ADARB2: variants seen among roughly 807,000 people sequenced by gnomAD.
ADARB2 encodes the protein inactive double-stranded RNA-specific editase B2.
A neutral mutation model predicts 62.2 loss-of-function variants in ADARB2; 25 were observed. The observed-to-expected ratio is 0.40, with a 90% CI of 0.29 to 0.56. ADARB2 has a LOEUF of 0.56. Among genes scored for constraint, ADARB2 ranks in the 20% least tolerant of loss-of-function variants. ADARB2 has a pLI of 0.43. For missense variants in ADARB2, 1,071 were observed against 1,077.4 expected (o/e 0.99, Z 0.08); for synonymous variants, 572 against 500.8 (o/e 1.14, Z -1.90).
At chr10:1,565,442 T>G (rs1832848346) in intron 1 of ADARB2, among the ~76,000 whole-genome samples, 1 of 152,144 alleles carries the variant, frequency 6.6e-6, no homozygotes, top group African/African-American at 2.4e-5. Context: ...CTGTCTATCT[T>G]TTTAGATCCA....
chr10:1,225,366 A>T (rs927542811), intron 6 of ADARB2, among the ~76,000 whole-genome samples: 6 of 151,898 alleles, frequency 4.0e-5, no homozygotes, highest in Non-Finnish European at 8.8e-5. Context: ...TCTTTTTCCA[A>T]TTTGCCAGTC....
intron 2 of ADARB2, among the ~76,000 whole-genome samples, chr10:1,369,497 G>A (rs948518709): frequency 2.0e-5 from 3 of 152,136 alleles, no homozygotes; most frequent in Non-Finnish European, 4.4e-5. Flanking sequence ...CCCAAGTCTG[G>A]GTGTTCCCGC....
At chr10:1,609,617 G>A (rs1588322257) in intron 1 of ADARB2, among the ~76,000 whole-genome samples, 1 of 152,342 alleles carries the variant, frequency 6.6e-6, no homozygotes, top group African/African-American at 2.4e-5. Flanking sequence ...TTCACATGAG[G>A]GACTGCGTGC....
intron 1 of ADARB2, among the ~76,000 whole-genome samples, chr10:1,488,663 T>C (rs913852505): frequency 1.1e-4 from 16 of 152,190 alleles, no homozygotes; most frequent in African/African-American, 3.4e-4. Context: ...CTTTTCTTTT[T>C]GGCGAATGCA....
At chr10:1,731,497 CA>C in intron 1 of ADARB2, among the ~76,000 whole-genome samples, 1 of 152,108 alleles carries the variant, frequency 6.6e-6, no homozygotes, top group South Asian at 2.1e-4. Context: ...CCCTGTGAAC[CA>C]AAAATTTTAT....
At chr10:1,329,417 G>C (rs1213025747) in intron 3 of ADARB2, among the ~76,000 whole-genome samples, 1 of 152,246 alleles carries the variant, frequency 6.6e-6, no homozygotes, top group Non-Finnish European at 1.5e-5. Flanking sequence ...AGGATGCCCT[G>C]ACCTTTTGAA....
In ADARB2 at chr10:1,442,766, A is replaced by AT. The variant is rs544910146; in HGVS notation, c.101-63607dup. Among the ~76,000 whole-genome samples the AT allele has an allele frequency of 6.5e-3, 992 of 152,160 alleles. 12 individuals are homozygous for AT. The highest frequency in any genetic ancestry group is 9.1e-3 in the Non-Finnish European group (620 of 67,982). On this transcript the variant is annotated intron_variant, in intron 1 of 9. Coordinates refer to ENST00000381312, the MANE Select transcript of ADARB2 (RefSeq NM_018702.4). ...TTCAGTTTAACACTTTGCCGTTTTG[A>AT]TTTTTTTTCTTGGAAAACTTGGGAG...
At chr10:1,666,640 C>G (rs530692641) in intron 1 of ADARB2, among the ~76,000 whole-genome samples, 41 of 152,350 alleles carry the variant, frequency 2.7e-4, no homozygotes, top group African/African-American at 9.1e-4. Context: ...CATCAACATT[C>G]AGTTTCCTAA....
At chr10:1,329,944 TTTTTTTTTTTC>T in intron 3 of ADARB2, among the ~76,000 whole-genome samples, 1 of 147,920 alleles carries the variant, frequency 6.8e-6, no homozygotes, top group African/African-American at 2.6e-5. Flanking sequence ...TTTTTTTTTT[TTTTTTTTTTTC>T]TCTTAAACAC....
chr10:1,417,701 C>T (rs145270292), intron 1 of ADARB2, among the ~76,000 whole-genome samples: 1 of 152,292 alleles, frequency 6.6e-6, no homozygotes, highest in East Asian at 1.9e-4. Flanking sequence ...GTGCTATGGG[C>T]CGGCGTTGCA....
chr10:1,730,571 A>G (rs1262175208), intron 1 of ADARB2, among the ~76,000 whole-genome samples: 1 of 152,090 alleles, frequency 6.6e-6, no homozygotes, highest in African/African-American at 2.4e-5. Context: ...CAAAAATTTC[A>G]CCTCTTAGAG....
At chr10:1,641,302 C>T (rs912106270) in intron 1 of ADARB2, among the ~76,000 whole-genome samples, 10 of 152,216 alleles carry the variant, frequency 6.6e-5, no homozygotes, top group African/African-American at 2.2e-4. Context: ...AGCAACAGCA[C>T]GAAGTGGTGT....
At chr10:1,683,745 T>G (rs997532988) in intron 1 of ADARB2, among the ~76,000 whole-genome samples, 8 of 152,238 alleles carry the variant, frequency 5.3e-5, no homozygotes, top group Non-Finnish European at 1.0e-4. Flanking sequence ...AAAGACATCA[T>G]GACTGTTTCT....
intron 3 of ADARB2, among the ~76,000 whole-genome samples, chr10:1,338,286 A>G (rs763926525): frequency 7.2e-5 from 11 of 152,226 alleles, no homozygotes; most frequent in Non-Finnish European, 1.6e-4. Flanking sequence ...AATTCACTCA[A>G]CCAAAAGCTC....
chr10:1,658,556 G>C (rs1834202596), intron 1 of ADARB2, among the ~76,000 whole-genome samples: 1 of 152,040 alleles, frequency 6.6e-6, no homozygotes, highest in Non-Finnish European at 1.5e-5. Context: ...GATTCTCTCT[G>C]TCTCTCTATC....
intron 1 of ADARB2, chr10:1,678,411 G>C: frequency 9.4e-6 from 8 of 853,116 alleles, no homozygotes; most frequent in Non-Finnish European, 1.1e-5. Context: ...GAGCGTCTGC[G>C]CACCTTCCCT....
chr10:1,190,844 G>A (rs1836832704), intron 8 of ADARB2, among the ~76,000 whole-genome samples: 1 of 152,186 alleles, frequency 6.6e-6, no homozygotes, highest in Non-Finnish European at 1.5e-5. Flanking sequence ...TTCAGACAAG[G>A]TAATTTACAG....
intron 1 of ADARB2, among the ~76,000 whole-genome samples, chr10:1,583,691 T>C (rs1407875027): frequency 6.6e-6 from 1 of 152,220 alleles, no homozygotes. Context: ...ATATTCTCAA[T>C]CAAAATCTGA....
At chr10:1,448,425 T>C (rs1830997627) in intron 1 of ADARB2, among the ~76,000 whole-genome samples, 1 of 152,214 alleles carries the variant, frequency 6.6e-6, no homozygotes, top group Non-Finnish European at 1.5e-5. Flanking sequence ...CTGTTGACTA[T>C]GTATGTTTAG....
Sources: gnomAD v4.1 joint callset for allele counts (sites outside exome capture counted in the v4.1 genomes callset) on GRCh38, gnomAD v4.1.1 for gene constraint, MANE v1.5 for transcripts, NCBI Gene and HGNC (gene_info 2026-07-23, HGNC 2026-07-21) for gene names.